Variants in TMEM156 observed in about 807,000 individuals in gnomAD.
TMEM156 encodes the protein transmembrane protein 156.
TMEM156 carries 28 observed loss-of-function variants against 30.5 expected under a neutral mutation model. That is an observed-to-expected ratio of 0.92 (90% CI 0.68 to 1.26). The LOEUF is 1.26. Ranked by LOEUF, TMEM156 falls within the 50% of genes most tolerant of loss-of-function variation. The pLI, the probability that TMEM156 is intolerant of heterozygous loss-of-function variation, is 0.00. For synonymous variants in TMEM156, 137 were observed against 119.9 expected (o/e 1.14, Z -0.93); for missense variants, 351 against 340.6 (o/e 1.03, Z -0.24).
At chr4:38,974,913 A>T (rs6831244) in intron 5 of TMEM156, among the ~76,000 whole-genome samples, 110,874 of 151,720 alleles carry the variant, frequency 0.73, 41,279 homozygotes, top group African/African-American at 0.88. Flanking sequence ...CCTCAGGTGA[A>T]CCGCCCACCT....
chr4:39,018,005 T>C (rs929436610), intron 1 of TMEM156, among the ~76,000 whole-genome samples: 4 of 152,216 alleles, frequency 2.6e-5, no homozygotes, highest in Non-Finnish European at 5.9e-5. Context: ...TTGGTATATT[T>C]AGATTTAATT....
At chr4:38,977,038 C>T (rs565014677) in intron 5 of TMEM156, among the ~76,000 whole-genome samples, 41 of 152,202 alleles carry the variant, frequency 2.7e-4, no homozygotes, top group Non-Finnish European at 4.4e-4. Flanking sequence ...CCTGAGAAGC[C>T]GGGACTGCAA....
At chr4:39,030,470 T>A (rs1182988666) in intron 1 of TMEM156, among the ~76,000 whole-genome samples, 1 of 152,214 alleles carries the variant, frequency 6.6e-6, no homozygotes, top group Non-Finnish European at 1.5e-5. Flanking sequence ...GGGGCTCCCA[T>A]CTGTCCCCCA....
intron 4 of TMEM156, 142 bp from the exon 5 acceptor site, chr4:38,986,561 C>A (rs1342084819): frequency 1.1e-5 from 7 of 619,562 alleles, no homozygotes; most frequent in Non-Finnish European, 2.0e-5. Flanking sequence ...GTAATCCCAG[C>A]ACTTTGGGAG....
chr4:39,028,240 G>C (rs987359473), intron 1 of TMEM156: 2 of 152,098 alleles, frequency 1.3e-5, no homozygotes, highest in African/African-American at 4.8e-5. Context: ...GAGTACACTT[G>C]TGTGACTCAC....
chr4:38,969,856 G>A (rs1722514749), intron 6 of TMEM156, among the ~76,000 whole-genome samples: 1 of 152,182 alleles, frequency 6.6e-6, no homozygotes, highest in Non-Finnish European at 1.5e-5. Flanking sequence ...GCCTCCCAAA[G>A]TGCTGGGATT....
chr4:39,030,112 G>A (rs1044176609), intron 1 of TMEM156, among the ~76,000 whole-genome samples: 4 of 151,664 alleles, frequency 2.6e-5, no homozygotes, highest in Admixed American at 2.6e-4. Flanking sequence ...AGCTGCTTGG[G>A]GACTGAGGCA....
intron 1 of TMEM156, among the ~76,000 whole-genome samples, chr4:39,004,758 G>A (rs563957050): frequency 6.6e-6 from 1 of 152,010 alleles, no homozygotes; most frequent in Non-Finnish European, 1.5e-5. Flanking sequence ...ATGTTGCTGT[G>A]AACTGAAACT....
At chr4:39,027,710 C>T (rs532683627) in intron 1 of TMEM156, among the ~76,000 whole-genome samples, 2 of 151,590 alleles carry the variant, frequency 1.3e-5, no homozygotes, top group African/African-American at 4.8e-5. Flanking sequence ...CACATGCCAC[C>T]ACCATGCCCA....
At chr4:39,007,016 T>C (rs1009260062) in intron 1 of TMEM156, among the ~76,000 whole-genome samples, 2 of 152,152 alleles carry the variant, frequency 1.3e-5, no homozygotes, top group African/African-American at 4.8e-5. Flanking sequence ...AATTTGTTTT[T>C]TCTTTATGTA....
chr4:39,017,421 C>T (rs1004270589), intron 1 of TMEM156, among the ~76,000 whole-genome samples: 1 of 151,868 alleles, frequency 6.6e-6, no homozygotes, highest in African/African-American at 2.4e-5. Context: ...CCCCGTGATC[C>T]ACCTGTCTCA....
At chr4:38,970,893 T>G in intron 6 of TMEM156, 139 bp downstream of exon 6, 1 of 558,052 alleles carries the variant, frequency 1.8e-6, no homozygotes, top group Non-Finnish European at 3.2e-6. Flanking sequence ...TCATGTCATC[T>G]AATTCATATG....
intron 5 of TMEM156, among the ~76,000 whole-genome samples, chr4:38,975,614 C>A (rs189809967): frequency 3.2e-4 from 48 of 152,028 alleles, no homozygotes; most frequent in Middle Eastern, 3.4e-3. Flanking sequence ...AACTTCTGAT[C>A]TCGAGGCCTA....
chr4:39,027,760 T>TTC (rs200732373), intron 1 of TMEM156, among the ~76,000 whole-genome samples: 58 of 128,260 alleles, frequency 4.5e-4, no homozygotes, highest in Middle Eastern at 3.5e-3. Context: ...TTCTTTTTCT[T>TTC]TTTTTTTTTT....
chr4:38,988,336 GC>G (rs113260070), intron 4 of TMEM156, among the ~76,000 whole-genome samples: 141 of 152,304 alleles, frequency 9.3e-4, no homozygotes, highest in African/African-American at 3.1e-3. Context: ...TGATTCTTGT[GC>G]CTCAGCCTCC....
At chr4:39,016,463 T>C (rs1373932993) in intron 1 of TMEM156, among the ~76,000 whole-genome samples, 2 of 152,126 alleles carry the variant, frequency 1.3e-5, no homozygotes, top group Non-Finnish European at 2.9e-5. Context: ...TGACTTTTGC[T>C]CCTGTGTTTA....
At chr4:38,976,903 T>TTGC (rs912340146) in intron 5 of TMEM156, among the ~76,000 whole-genome samples, 9 of 152,020 alleles carry the variant, frequency 5.9e-5, no homozygotes, top group Admixed American at 5.9e-4. Flanking sequence ...GTTGTTGTTG[T>TTGC]TGTTGTTGTT....
intron 1 of TMEM156, among the ~76,000 whole-genome samples, chr4:38,999,871 A>G (rs1231832799): frequency 1.3e-5 from 2 of 152,110 alleles, no homozygotes; most frequent in Non-Finnish European, 1.5e-5. Flanking sequence ...ACATCTCAAG[A>G]CCTTCAACTT....
At chr4:38,995,334 AC>A (rs1712850258) in intron 2 of TMEM156, among the ~76,000 whole-genome samples, 1 of 152,216 alleles carries the variant, frequency 6.6e-6, no homozygotes, top group Non-Finnish European at 1.5e-5. Context: ...TCCATAACAC[AC>A]ATGTTACCCT....
Sources: allele counts gnomAD v4.1 joint callset (sites outside exome capture counted in the v4.1 genomes callset), GRCh38; gene constraint gnomAD v4.1.1; transcripts MANE v1.5; gene names NCBI Gene and HGNC (gene_info 2026-07-23, HGNC 2026-07-21).